The following COPG2 variants were observed in gnomAD, a reference collection of about 807,000 sequenced individuals.
The protein encoded by COPG2 is coatomer subunit gamma-2.
In COPG2, 37 loss-of-function variants were observed where a neutral mutation model predicts 46.3. The observed-to-expected ratio is 0.80, with a 90% CI of 0.61 to 1.05. The LOEUF (loss-of-function observed/expected upper bound fraction) is 1.05, where lower values mean the gene tolerates loss of function less well. Among genes scored for constraint, COPG2 ranks in the 50% least tolerant of loss-of-function variants. The probability of loss-of-function intolerance (pLI) is 0.00; values close to 1 mark genes in which losing one functional copy is unlikely to be tolerated. For synonymous variants in COPG2, 159 were observed against 129.7 expected, an observed-to-expected ratio of 1.23 and a Z score of -1.53; for missense variants, 427 against 387.8, an observed-to-expected ratio of 1.10 and a Z score of -0.85.
At chr7:130,554,781 G>A (rs1283401395) in intron 13 of COPG2, 57 bp from the exon 14 acceptor site, 1 of 398,490 alleles carries the variant, frequency 2.5e-6, no homozygotes. Context: ...TTGGAGAAAT[G>A]CTTACACTCC....
chr7:130,551,230 C>T lies in COPG2; in HGVS notation c.1648+11G>A. ...GAGGAACAAAAGTGTACATCCTTGG[C>T]TTTCACTGACCATTAAAGATATATG... On this transcript the variant is annotated intron_variant, in intron 16 of 23. Transcript: ENST00000425248. 2.5e-6 allele frequency: 1 copy of T among 398,522 alleles called. No individual in the cohort carries two copies. Among genetic ancestry groups the T allele is most frequent in the Non-Finnish European group, 4.4e-6 (1 of 225,976 alleles). The allele number at this position is 398,522 out of a possible 1,614,324, so 24.7% of individuals were successfully genotyped here.
rs782149145 is a variant in COPG2, at chr7:130,662,955, A to T, written c.243+12T>A. On this transcript the variant is annotated intron_variant, in intron 4 of 23. Coordinates refer to ENST00000425248, the MANE Select transcript of COPG2 (RefSeq NM_012133.6). ...AGGTTTTTCATCGTAAAAAAAATTT[A>T]AAAAGACTTACATCATTAGATTGAA... 6.6e-7 allele frequency: 1 copy of T among 1,517,990 alleles called. No homozygotes were observed. The highest frequency in any genetic ancestry group is 1.2e-5 in the South Asian group (1 of 80,942). 94.0% of individuals were successfully genotyped at this position (1,517,990 alleles called of 1,614,324 possible).
intron 6 of COPG2, among the ~76,000 whole-genome samples, chr7:130,615,671 T>G (rs1554452745): frequency 6.6e-6 from 1 of 152,210 alleles, no homozygotes; most frequent in South Asian, 2.1e-4. Flanking sequence ...ATAAAAGAGA[T>G]TGGAGATTGC....
chr7:130,654,443 A>G (rs1255300102), intron 4 of COPG2, among the ~76,000 whole-genome samples: 1 of 152,208 alleles, frequency 6.6e-6, no homozygotes, highest in Non-Finnish European at 1.5e-5. Flanking sequence ...TCAGAAATAG[A>G]GCAAGGAATG....
At chr7:130,528,325 G>C (rs1799793148) in intron 20 of COPG2, among the ~76,000 whole-genome samples, 1 of 151,934 alleles carries the variant, frequency 6.6e-6, no homozygotes. Context: ...GTGAAAGAAA[G>C]GATGCAAAGG....
chr7:130,622,322 G>A (rs1333280475), intron 5 of COPG2, among the ~76,000 whole-genome samples: 5 of 152,126 alleles, frequency 3.3e-5, no homozygotes, highest in African/African-American at 4.8e-5. Context: ...GAGTATACAC[G>A]TGAGCTGCAA....
rs373508524 is a variant in COPG2 at position 130,666,040 on chromosome 7, G to T, written c.171+809C>A. On this transcript the variant is annotated intron_variant, in intron 3 of 23. Coordinates refer to ENST00000425248, the MANE Select transcript of COPG2 (RefSeq NM_012133.6). ...TCCTGAATGCTTACTGTATGTTCAGGACTATTCTCAGTGCTTTACACTAAT... is the reference window on the plus strand; with the variant it reads ...TCCTGAATGCTTACTGTATGTTCAGTACTATTCTCAGTGCTTTACACTAAT... Among the ~76,000 whole-genome samples, 364 of 152,134 alleles carry T rather than the reference G, an allele frequency of 2.4e-3. 3 individuals carry two copies. The highest frequency in any genetic ancestry group is 8.0e-3 in the African/African-American group (330 of 41,496).
chr7:130,515,057 ATG>A (rs1430010566), intron 20 of COPG2, among the ~76,000 whole-genome samples: 12 of 152,174 alleles, frequency 7.9e-5, no homozygotes, highest in Non-Finnish European at 1.6e-4. Context: ...GCTTCTTAGA[ATG>A]TGTTACATGG....
At position 130,652,899 on chromosome 7, in the gene COPG2, A is replaced by T; in HGVS notation, c.293T>A (p.Ile98Asn). 1 of 1,607,522 alleles carries T rather than the reference A, an allele frequency of 6.2e-7. No homozygotes were observed. Residue 98 changes from isoleucine to asparagine, a missense_variant, in exon 5 of 24, where the codon ATC becomes AAC. Physicochemically the swap from Ile to Asn is moderately radical, Grantham distance 149. Transcript: ENST00000425248. ...CYLTIKEMAT[I>N]SEDVIIVTSS... ...TGTGACAATTATCACATCCTCAGAG[A>T]TGGTAGCCATTTCTTTGATGGTAAG...
At chr7:130,551,832 A>C (rs1247613181) in intron 15 of COPG2, among the ~76,000 whole-genome samples, 1 of 152,252 alleles carries the variant, frequency 6.6e-6, no homozygotes, top group Non-Finnish European at 1.5e-5. Context: ...CAGTTTGCTA[A>C]AGCAAGTCTT....
At chr7:130,549,893 C>A (rs1411884239) in intron 17 of COPG2, among the ~76,000 whole-genome samples, 1 of 151,990 alleles carries the variant, frequency 6.6e-6, no homozygotes, top group African/African-American at 2.4e-5. Context: ...ATAACAAAAT[C>A]AATTAACTTA....
intron 20 of COPG2, among the ~76,000 whole-genome samples, chr7:130,540,435 A>C (rs1799924870): frequency 6.6e-6 from 1 of 152,074 alleles, no homozygotes; most frequent in Non-Finnish European, 1.5e-5. Context: ...AACTGACAAT[A>C]GTAAGCACCC....
intron 5 of COPG2, among the ~76,000 whole-genome samples, chr7:130,646,939 A>C (rs1795606984): frequency 7.3e-6 from 1 of 136,256 alleles, no homozygotes; most frequent in African/African-American, 3.1e-5. Flanking sequence ...GTATATATAT[A>C]TACGTATATA....
chr7:130,625,353 A>G (rs556559518), intron 5 of COPG2, among the ~76,000 whole-genome samples: 7 of 152,242 alleles, frequency 4.6e-5, no homozygotes, highest in African/African-American at 1.2e-4. Flanking sequence ...AGATAGCTTT[A>G]CTTCTTTGTT....
intron 9 of COPG2, among the ~76,000 whole-genome samples, chr7:130,595,446 T>C (rs965827903): frequency 2.0e-4 from 30 of 152,232 alleles, no homozygotes; most frequent in African/African-American, 6.5e-4. Context: ...GGTGGTTACA[T>C]AGTTTTGTGA....
At position 130,610,949 on chromosome 7, in the gene COPG2, T is replaced by G. The variant is rs782691837; in HGVS notation, c.737+4A>C. 4.3e-6 allele frequency: 7 copies of G among 1,613,734 alleles called. No homozygotes were observed. Among genetic ancestry groups the G allele is most frequent in the Non-Finnish European group, 5.1e-6 (6 of 1,179,790 alleles). On this transcript the variant is annotated splice_donor_region_variant and intron_variant, in intron 9 of 23. Coordinates refer to ENST00000425248, the MANE Select transcript of COPG2 (RefSeq NM_012133.6). ...ATAACCCAGGTTTAGGTGAAGACAC[T>G]TACCCATCCTCAGTTTCTTTTAGTA...
intron 5 of COPG2, among the ~76,000 whole-genome samples, chr7:130,623,307 A>G (rs911438943): frequency 2.6e-5 from 4 of 152,160 alleles, no homozygotes; most frequent in Non-Finnish European, 4.4e-5. Flanking sequence ...AGTCTATTCC[A>G]TGGGTCTAAT....
At chr7:130,563,537 A>G (rs1006231836) in intron 10 of COPG2, among the ~76,000 whole-genome samples, 1 of 151,884 alleles carries the variant, frequency 6.6e-6, no homozygotes, top group Non-Finnish European at 1.5e-5. Flanking sequence ...TACATAATGA[A>G]TCACATTCAA....
At chr7:130,645,340 T>G (rs1304018597) in intron 5 of COPG2, 1 of 569,822 alleles carries the variant, frequency 1.8e-6, no homozygotes, top group Non-Finnish European at 3.5e-6. Context: ...ACAGTTGCCT[T>G]CTACTACATT....
Sources: allele counts gnomAD v4.1 joint callset (sites outside exome capture counted in the v4.1 genomes callset), GRCh38; gene constraint gnomAD v4.1.1; transcripts MANE v1.5; gene names NCBI Gene and HGNC (gene_info 2026-07-23, HGNC 2026-07-21).